WWOX: variants seen among roughly 807,000 people sequenced by gnomAD.
The protein encoded by WWOX is WW domain containing oxidoreductase, also known as WW domain-containing oxidoreductase.
Under a neutral mutation model 46.2 loss-of-function variants are expected in WWOX, and 69 were observed. The ratio of observed to expected loss-of-function variants is 1.49; its 90% CI spans 1.23 to 1.82. The LOEUF is 1.82. Among genes scored for constraint, WWOX ranks in the 40% most tolerant of loss-of-function variants. The pLI is 0.00. For synonymous variants in WWOX, 359 were observed against 202.6 expected, an observed-to-expected ratio of 1.77 and a Z score of -6.56; for missense variants, 919 against 542.6, an observed-to-expected ratio of 1.69 and a Z score of -6.89.
intron 8 of WWOX, among the ~76,000 whole-genome samples, chr16:78,815,517 C>G (rs192087812): frequency 6.1e-4 from 93 of 152,268 alleles, no homozygotes; most frequent in African/African-American, 2.1e-3. Flanking sequence ...TGCCTCTTGC[C>G]AGGACCCTGA....
chr16:78,783,508 C>A (rs1184666713), intron 8 of WWOX, among the ~76,000 whole-genome samples: 1 of 152,172 alleles, frequency 6.6e-6, no homozygotes, highest in Non-Finnish European at 1.5e-5. Flanking sequence ...AAGCAAGGGC[C>A]TCTGAATGAG....
At chr16:78,942,027 C>G (rs1472140361) in intron 8 of WWOX, among the ~76,000 whole-genome samples, 1 of 152,130 alleles carries the variant, frequency 6.6e-6, no homozygotes. Flanking sequence ...ATTTCTTTCC[C>G]ACTCTCTACC....
At chr16:78,334,636 G>C (rs1359818707) in intron 5 of WWOX, among the ~76,000 whole-genome samples, 1 of 152,004 alleles carries the variant, frequency 6.6e-6, no homozygotes, top group Non-Finnish European at 1.5e-5. Context: ...CTAATTATAT[G>C]TATTATAAAT....
chr16:78,296,079 C>T (rs1164382047), intron 5 of WWOX, among the ~76,000 whole-genome samples: 1 of 152,164 alleles, frequency 6.6e-6, no homozygotes, highest in Non-Finnish European at 1.5e-5. Flanking sequence ...CTTTTGCTGT[C>T]ATTGCTTTAA....
intron 8 of WWOX, among the ~76,000 whole-genome samples, chr16:78,966,483 A>C (rs55712607): frequency 6.6e-6 from 1 of 152,132 alleles, no homozygotes; most frequent in African/African-American, 2.4e-5. Context: ...TAAGATGGCT[A>C]TAAATTCCAC....
At chr16:78,748,874 G>T (rs926325409) in intron 8 of WWOX, among the ~76,000 whole-genome samples, 11 of 152,212 alleles carry the variant, frequency 7.2e-5, no homozygotes, top group South Asian at 2.1e-4. Flanking sequence ...CTTTGCAGGG[G>T]AGGTGAATTG....
chr16:79,048,570 C>G (rs759888537), intron 8 of WWOX, among the ~76,000 whole-genome samples: 2 of 152,008 alleles, frequency 1.3e-5, no homozygotes, highest in African/African-American at 4.8e-5. Flanking sequence ...GCACAGTGGG[C>G]CATCCTAACC....
intron 8 of WWOX, among the ~76,000 whole-genome samples, chr16:79,100,244 C>T (rs1291320809): frequency 6.6e-6 from 1 of 152,032 alleles, no homozygotes; most frequent in Non-Finnish European, 1.5e-5. Context: ...AAAAAAGATA[C>T]CCACCAAAGA....
intron 8 of WWOX, among the ~76,000 whole-genome samples, chr16:78,568,724 C>G (rs2044639835): frequency 6.6e-6 from 1 of 152,112 alleles, no homozygotes. Context: ...ATCTACCTGC[C>G]TCGGCCTCCC....
chr16:79,189,807 G>T (rs1017921748), intron 8 of WWOX, among the ~76,000 whole-genome samples: 1 of 151,092 alleles, frequency 6.6e-6, no homozygotes, highest in African/African-American at 2.4e-5. Flanking sequence ...GGAGGGGGGG[G>T]ATATTTATTT....
At chr16:78,370,788 TG>T (rs58327362) in intron 5 of WWOX, among the ~76,000 whole-genome samples, 15,214 of 123,932 alleles carry the variant, frequency 0.12, 982 homozygotes, top group East Asian at 0.21. Context: ...CTTTTTTTTT[TG>T]GGGGGGGGGG....
At chr16:78,515,846 C>T (rs760069698) in intron 8 of WWOX, among the ~76,000 whole-genome samples, 3 of 152,182 alleles carry the variant, frequency 2.0e-5, no homozygotes, top group Admixed American at 6.5e-5. Context: ...ATAACATTCT[C>T]CAATCTTGGC....
At chr16:79,068,985 G>C (rs1427806837) in intron 8 of WWOX, among the ~76,000 whole-genome samples, 1 of 152,220 alleles carries the variant, frequency 6.6e-6, no homozygotes, top group South Asian at 2.1e-4. Flanking sequence ...CGTAAGATAT[G>C]CATCTATCTT....
chr16:78,907,066 C>T (rs138544670), intron 8 of WWOX, among the ~76,000 whole-genome samples: 73 of 152,012 alleles, frequency 4.8e-4, no homozygotes, highest in African/African-American at 1.6e-3. Context: ...GCCAGCTAAA[C>T]GGGAGACTGG....
At chr16:79,134,447 T>C (rs951263983) in intron 8 of WWOX, among the ~76,000 whole-genome samples, 1 of 152,184 alleles carries the variant, frequency 6.6e-6, no homozygotes, top group African/African-American at 2.4e-5. Context: ...TACAGGGTCC[T>C]GTTGGAGGGA....
chr16:78,863,645 A>G (rs2043941129), intron 8 of WWOX, among the ~76,000 whole-genome samples: 1 of 152,134 alleles, frequency 6.6e-6, no homozygotes. Context: ...TTATTTACTC[A>G]GTGTTTCTGG....
At chr16:78,252,604 C>T (rs977690106) in intron 5 of WWOX, among the ~76,000 whole-genome samples, 2 of 152,174 alleles carry the variant, frequency 1.3e-5, no homozygotes, top group African/African-American at 4.8e-5. Flanking sequence ...CTTTATTTTT[C>T]CTTCTACTTA....
intron 5 of WWOX, among the ~76,000 whole-genome samples, chr16:78,328,075 T>C (rs112325275): frequency 0.03 from 4,584 of 152,046 alleles, 124 homozygotes; most frequent in African/African-American, 0.071. Flanking sequence ...CATTTTGCCA[T>C]GTTGGCCAGG....
chr16:78,570,777 G>A (rs750154292), intron 8 of WWOX, among the ~76,000 whole-genome samples: 8 of 152,140 alleles, frequency 5.3e-5, no homozygotes, highest in African/African-American at 1.4e-4. Flanking sequence ...TTCCAGTGGC[G>A]ATACATTTTC....
Sources: gnomAD v4.1 joint callset for allele counts (sites outside exome capture counted in the v4.1 genomes callset) on GRCh38, gnomAD v4.1.1 for gene constraint, MANE v1.5 for transcripts, NCBI Gene and HGNC (gene_info 2026-07-23, HGNC 2026-07-21) for gene names.